The following PRPF18 variants were observed in gnomAD, a reference collection of about 807,000 sequenced individuals.
PRPF18 encodes the protein pre-mRNA-splicing factor 18.
In PRPF18, 38 loss-of-function variants were observed where a neutral mutation model predicts 46.5. That is an observed-to-expected ratio of 0.82 (90% CI 0.63 to 1.07). The LOEUF is 1.07. Ranked by LOEUF, PRPF18 falls within the 50% of genes least tolerant of loss-of-function variation. The pLI is 0.00. For missense variants in PRPF18, 263 were observed against 410.0 expected, an observed-to-expected ratio of 0.64 and a Z score of 3.10; for synonymous variants, 152 against 146.7, an observed-to-expected ratio of 1.04 and a Z score of -0.26.
At chr10:13,593,832 T>A (rs551320188) in intron 1 of PRPF18, among the ~76,000 whole-genome samples, 54 of 152,266 alleles carry the variant, frequency 3.5e-4, no homozygotes, top group African/African-American at 1.3e-3. Context: ...GATGGTTTAG[T>A]CATCTGCTGA....
the PRPF18 span, chr10:13,642,042 C>CTA: frequency 0.56 from 84,487 of 151,818 alleles, 23,922 homozygotes; most frequent in East Asian, 0.79. Flanking sequence ...GGTTCTTCAG[C>CTA]TTTGCTGGAG....
At chr10:13,652,346 G>T in the PRPF18 span, 1 of 238,626 alleles carries the variant, frequency 4.2e-6, no homozygotes, top group South Asian at 7.7e-5. Context: ...CCTGAGGAGG[G>T]CTTGTACATT....
At chr10:13,651,910 C>A in the PRPF18 span, 2 of 1,547,406 alleles carry the variant, frequency 1.3e-6, no homozygotes, top group Non-Finnish European at 1.8e-6. Flanking sequence ...TACCTCTATT[C>A]ATCAGTACTT....
chr10:13,617,069 G>A lies in PRPF18; in HGVS notation c.948+516G>A, dbSNP rs141280592. On this transcript the variant is annotated intron_variant, in intron 9 of 9. Coordinates refer to ENST00000378572, the MANE Select transcript of PRPF18 (RefSeq NM_003675.4). The stretch of plus-strand genomic sequence containing the variant: ...AGTGCCGATGGTTTGTTTTCTTCAA[G>A]TTATACATGCTTCACATAAACTTGT... Among the ~76,000 whole-genome samples, 389 of 152,310 alleles carry A rather than the reference G, an allele frequency of 2.6e-3. 5 individuals carry two copies. Among genetic ancestry groups the A allele is most frequent in the Admixed American group, 0.022 (342 of 15,296 alleles).
At chr10:13,649,002 T>C in the PRPF18 span, among the ~76,000 whole-genome samples, 2 of 152,172 alleles carry the variant, frequency 1.3e-5, no homozygotes, top group East Asian at 1.9e-4. Context: ...ATGAAACATA[T>C]ATTAAAGGTT....
the PRPF18 span, among the ~76,000 whole-genome samples, chr10:13,650,404 A>G: frequency 5.3e-5 from 8 of 151,996 alleles, no homozygotes; most frequent in African/African-American, 1.9e-4. Flanking sequence ...GTGCACATGT[A>G]TGCATGAGCA....
intron 1 of PRPF18, chr10:13,591,870 G>C: frequency 1.4e-6 from 2 of 1,423,160 alleles, no homozygotes; most frequent in Non-Finnish European, 1.9e-6. Flanking sequence ...CAGTGAGGAT[G>C]ATCAGAACGT....
At chr10:13,594,581 G>A (rs2080008446) in intron 1 of PRPF18, among the ~76,000 whole-genome samples, 1 of 152,152 alleles carries the variant, frequency 6.6e-6, no homozygotes, top group African/African-American at 2.4e-5. Context: ...ATTTTGTAAT[G>A]TCATGGTTCA....
At chr10:13,643,460 A>G in the PRPF18 span, 1 of 152,278 alleles carries the variant, frequency 6.6e-6, no homozygotes, top group Non-Finnish European at 1.5e-5. Context: ...GCAGGAATAC[A>G]TAATTTAGAC....
At chr10:13,619,815 T>A (rs1029827607) in intron 9 of PRPF18, among the ~76,000 whole-genome samples, 20 of 152,184 alleles carry the variant, frequency 1.3e-4, no homozygotes, top group African/African-American at 4.8e-4. Context: ...GGATCTTCCA[T>A]GATTTTTTTT....
At chr10:13,642,236 CT>C in the PRPF18 span, 1 of 152,174 alleles carries the variant, frequency 6.6e-6, no homozygotes, top group Non-Finnish European at 1.5e-5. Flanking sequence ...TGCTAGTGTC[CT>C]CCTTTCCCCA....
chr10:13,647,015 A>G, the PRPF18 span: 19 of 975,226 alleles, frequency 1.9e-5, no homozygotes, highest in Non-Finnish European at 2.3e-5. Flanking sequence ...GGAATCCAGG[A>G]AACAGCTATC....
At position 13,591,396 on chromosome 10, in the gene PRPF18, A is replaced by G; in HGVS notation, c.66+4244A>G. 1.2e-5 allele frequency: 5 copies of G among 432,626 alleles called. No individual in the cohort carries two copies. The South Asian group carries it at 1.9e-4, about 16-fold the overall frequency. The allele number at this position is 432,626 out of a possible 1,614,324, so 26.8% of individuals were successfully genotyped here. ...TCTTACAACCACAAATGATTTTATC[A>G]TGTTTTATTCAGTCCTCCTTTTTTG... On this transcript the variant is annotated intron_variant, in intron 1 of 9. Transcript: ENST00000378572.
At chr10:13,641,121 T>C in the PRPF18 span, 1 of 152,260 alleles carries the variant, frequency 6.6e-6, no homozygotes, top group African/African-American at 2.4e-5. Flanking sequence ...TATTATGTTA[T>C]CTAATTTACT....
intron 9 of PRPF18, 143 bp from the exon 10 acceptor site, chr10:13,630,117 C>A (rs931175394): frequency 8.0e-6 from 5 of 624,346 alleles, no homozygotes; most frequent in South Asian, 3.8e-5. Context: ...AGAAAAATTT[C>A]TCTAGGCATA....
chr10:13,630,153 G>C, intron 9 of PRPF18, 107 bp from the exon 10 acceptor site: 1 of 912,942 alleles, frequency 1.1e-6, no homozygotes, highest in Non-Finnish European at 1.8e-6. Context: ...GCTTGGGTCT[G>C]CTGCATTTTA....
intron 1 of PRPF18, among the ~76,000 whole-genome samples, chr10:13,596,787 C>T (rs950132479): frequency 1.3e-5 from 2 of 152,090 alleles, no homozygotes; most frequent in African/African-American, 2.4e-5. Context: ...CCCAGGGAGT[C>T]GAAGTTGTGG....
chr10:13,608,267 C>T lies in PRPF18; in HGVS notation c.364-1772C>T, dbSNP rs192857854. The stretch of plus-strand genomic sequence containing the variant: ...ATTGCAGTCAGATGAAGGCTGCGGC[C>T]GAAATCATGTGAGGCTGCCTCTGGA... On this transcript the variant is annotated intron_variant, in intron 4 of 9. Coordinates refer to ENST00000378572, the MANE Select transcript of PRPF18 (RefSeq NM_003675.4). 3.3e-4 allele frequency among the ~76,000 whole-genome samples: 50 copies of T among 152,310 alleles called. No individual in the cohort carries two copies. In the East Asian group the frequency reaches 5.6e-3, roughly 17 times the overall value.
intron 1 of PRPF18, chr10:13,592,289 T>G: frequency 2.3e-6 from 1 of 435,056 alleles, no homozygotes; most frequent in Non-Finnish European, 4.3e-6. Flanking sequence ...TTTCTTCTCT[T>G]TAGTATCCGG....
Sources: gnomAD v4.1 joint callset for allele counts (sites outside exome capture counted in the v4.1 genomes callset) on GRCh38, gnomAD v4.1.1 for gene constraint, MANE v1.5 for transcripts, NCBI Gene and HGNC (gene_info 2026-07-23, HGNC 2026-07-21) for gene names.